PRKG1: variants seen among roughly 807,000 people sequenced by gnomAD.
The protein encoded by PRKG1 is protein kinase cGMP-dependent 1.
In PRKG1, 35 loss-of-function variants were observed where a neutral mutation model predicts 88.1. The ratio of observed to expected loss-of-function variants is 0.40; its 90% CI spans 0.30 to 0.53. The LOEUF is 0.53. Among genes scored for constraint, PRKG1 ranks in the 20% least tolerant of loss-of-function variants. The pLI, the probability that PRKG1 is intolerant of heterozygous loss-of-function variation, is 0.59. For synonymous variants in PRKG1, 303 were observed against 292.5 expected (o/e 1.04, Z -0.37); for missense variants, 540 against 839.8 (o/e 0.64, Z 4.41).
rs542970915 is a variant in PRKG1, at chr10:52,234,249, G to A, written c.1077-17321G>A. 2.8e-3 allele frequency among the ~76,000 whole-genome samples: 430 copies of A among 152,322 alleles called. 3 individuals are homozygous for A. The highest frequency in any genetic ancestry group is 9.2e-3 in the African/African-American group (382 of 41,568). On this transcript the variant is annotated intron_variant, in intron 9 of 17. Transcript: ENST00000373980. ...ACAGAAAAACTGGAAACTCTAAAAC[G>A]CAGAGTGTCTCTCCTCCTCCAAAGG...
At chr10:51,851,061 T>C (rs914122349) in intron 4 of PRKG1, among the ~76,000 whole-genome samples, 1 of 152,160 alleles carries the variant, frequency 6.6e-6, no homozygotes, top group African/African-American at 2.4e-5. Flanking sequence ...TCAGTGCTTT[T>C]GGGACAACCC....
chr10:51,606,019 G>C (rs1589125516), intron 3 of PRKG1, among the ~76,000 whole-genome samples: 1 of 152,210 alleles, frequency 6.6e-6, no homozygotes, highest in South Asian at 2.1e-4. Flanking sequence ...CTGGTAAATA[G>C]TAAGAACTTT....
intron 9 of PRKG1, among the ~76,000 whole-genome samples, chr10:52,178,931 G>GT (rs557974500): frequency 6.2e-4 from 87 of 139,310 alleles, no homozygotes; most frequent in East Asian, 8.4e-4. Flanking sequence ...GTTGGGTGTT[G>GT]TTTTTTTTTT....
At chr10:51,450,501 G>A (rs907493356) in intron 2 of PRKG1, among the ~76,000 whole-genome samples, 3 of 151,966 alleles carry the variant, frequency 2.0e-5, no homozygotes, top group Non-Finnish European at 4.4e-5. Context: ...TGGAATTCAT[G>A]ATGTTGGACT....
At chr10:52,246,737 G>A (rs1034172534) in intron 9 of PRKG1, among the ~76,000 whole-genome samples, 1 of 151,814 alleles carries the variant, frequency 6.6e-6, no homozygotes, top group African/African-American at 2.4e-5. Context: ...TGAGCCATGC[G>A]TGGTGGTGCA....
intron 3 of PRKG1, among the ~76,000 whole-genome samples, chr10:51,677,521 A>G (rs112403561): frequency 1.6e-4 from 24 of 152,310 alleles, no homozygotes; most frequent in African/African-American, 5.5e-4. Context: ...GTGCTTTTTC[A>G]GGAATATCTG....
chr10:51,639,436 CAAAAAAAAAAAAAAAAAAAAAAAAAAA>C (rs769304908), intron 3 of PRKG1, among the ~76,000 whole-genome samples: 7 of 31,780 alleles, frequency 2.2e-4, no homozygotes, highest in African/African-American at 9.3e-4. Flanking sequence ...GACTCCATCT[CAAAAAAAAAAAAAAAAAAAAAAAAAAA>C]AAAAAAAAAA....
intron 9 of PRKG1, among the ~76,000 whole-genome samples, chr10:52,205,534 T>G (rs1044853942): frequency 6.6e-6 from 1 of 152,176 alleles, no homozygotes; most frequent in African/African-American, 2.4e-5. Flanking sequence ...AAAAGTGTGT[T>G]TTTTTGGTGG....
At chr10:51,655,741 G>A (rs910502364) in intron 3 of PRKG1, among the ~76,000 whole-genome samples, 1 of 152,124 alleles carries the variant, frequency 6.6e-6, no homozygotes, top group Non-Finnish European at 1.5e-5. Flanking sequence ...GATAAATACT[G>A]TGCAATAGGT....
At chr10:51,268,009 A>C (rs1422970708) in intron 2 of PRKG1, among the ~76,000 whole-genome samples, 1 of 152,190 alleles carries the variant, frequency 6.6e-6, no homozygotes, top group Admixed American at 6.5e-5. Flanking sequence ...GAACAGTCTG[A>C]GAAATAAAGG....
At chr10:51,527,625 C>T (rs1841915247) in intron 3 of PRKG1, among the ~76,000 whole-genome samples, 1 of 152,122 alleles carries the variant, frequency 6.6e-6, no homozygotes, top group South Asian at 2.1e-4. Flanking sequence ...AAACAATATA[C>T]ATAGAAAAGT....
At chr10:51,811,848 G>A (rs758462751) in intron 4 of PRKG1, among the ~76,000 whole-genome samples, 3 of 152,160 alleles carry the variant, frequency 2.0e-5, no homozygotes, top group Non-Finnish European at 4.4e-5. Flanking sequence ...GATTTGGAAT[G>A]GGGCCAGAAA....
At chr10:51,117,142 C>T (rs1845145947) in intron 1 of PRKG1, among the ~76,000 whole-genome samples, 1 of 152,092 alleles carries the variant, frequency 6.6e-6, no homozygotes, top group Admixed American at 6.5e-5. Flanking sequence ...CATGGGTATT[C>T]CCCAATTTCA....
At position 52,280,926 on chromosome 10, in the gene PRKG1, A is replaced by G; in HGVS notation, c.1541A>G (p.Lys514Arg). 6.2e-7 allele frequency: 1 copy of G among 1,613,182 alleles called. No homozygotes were observed. Among genetic ancestry groups the G allele is most frequent in the Non-Finnish European group, 8.5e-7 (1 of 1,179,468 alleles). Residue 514 changes from lysine to arginine, a missense_variant, in exon 13 of 18, where the codon AAA (lysine) becomes AGA (arginine). Physicochemically the swap from Lys to Arg is conservative, Grantham distance 26. Transcript: ENST00000373980. ...ATCCTAGATCACCGAGGTTATGCCA[A>G]ACTGGTCAGTGCATTTCATACGTGC... Reference protein sequence around the residue: ...NLILDHRGYAKLVDFGFAKKI... With the variant: ...NLILDHRGYARLVDFGFAKKI...
At chr10:52,049,056 C>T (rs926233454) in intron 5 of PRKG1, among the ~76,000 whole-genome samples, 8 of 152,124 alleles carry the variant, frequency 5.3e-5, no homozygotes, top group South Asian at 2.1e-4. Context: ...AGACTCTTCT[C>T]GCAGGAGGCT....
intron 2 of PRKG1, among the ~76,000 whole-genome samples, chr10:51,378,718 G>T (rs183444581): frequency 1.6e-3 from 237 of 152,114 alleles, no homozygotes; most frequent in African/African-American, 5.5e-3. Context: ...GCTATGACCT[G>T]TGTGATGCAG....
At chr10:51,455,386 A>G (rs1017095122) in intron 2 of PRKG1, among the ~76,000 whole-genome samples, 1 of 152,216 alleles carries the variant, frequency 6.6e-6, no homozygotes, top group African/African-American at 2.4e-5. Context: ...TTGGCTCCTC[A>G]TTACTTATTC....
chr10:51,952,689 G>T (rs1843213343), intron 5 of PRKG1, among the ~76,000 whole-genome samples: 1 of 152,138 alleles, frequency 6.6e-6, no homozygotes, highest in South Asian at 2.1e-4. Flanking sequence ...GGTACAGAAA[G>T]AGCACTGTAC....
intron 3 of PRKG1, among the ~76,000 whole-genome samples, chr10:51,754,116 T>G (rs1303028799): frequency 6.6e-6 from 1 of 152,068 alleles, no homozygotes; most frequent in African/African-American, 2.4e-5. Context: ...TTCTCTGGAT[T>G]TAGCCATTCC....
Sources: gnomAD v4.1 joint callset for allele counts (sites outside exome capture counted in the v4.1 genomes callset) on GRCh38, gnomAD v4.1.1 for gene constraint, MANE v1.5 for transcripts, NCBI Gene and HGNC (gene_info 2026-07-23, HGNC 2026-07-21) for gene names.